Variants in ABCA13 observed in about 807,000 individuals in gnomAD.
The protein encoded by ABCA13 is ATP binding cassette subfamily A member 13, also known as ATP-binding cassette sub-family A member 13.
A neutral mutation model predicts 478.7 loss-of-function variants in ABCA13; 476 were observed. That is an observed-to-expected ratio of 0.99 (90% confidence interval 0.92 to 1.07). The LOEUF is 1.07. ABCA13 is among the 50% of genes least tolerant of loss of function. The probability of loss-of-function intolerance (pLI) is 0.00; values close to 1 mark genes in which losing one functional copy is unlikely to be tolerated. For missense variants in ABCA13, 6,060 were observed against 5,910.6 expected (o/e 1.03, Z -0.83); for synonymous variants, 2,252 against 2,158.9 (o/e 1.04, Z -1.20).
At chr7:48,303,357 A>G (rs1031006302) in intron 23 of ABCA13, among the ~76,000 whole-genome samples, 1 of 151,740 alleles carries the variant, frequency 6.6e-6, no homozygotes, top group African/African-American at 2.4e-5. Flanking sequence ...CCATTTTTCA[A>G]TTTTTGCTTT....
intron 29 of ABCA13, among the ~76,000 whole-genome samples, chr7:48,340,325 C>T (rs943836936): frequency 7.2e-5 from 11 of 152,054 alleles, no homozygotes; most frequent in Admixed American, 6.6e-5. Context: ...CAGGTTGGCT[C>T]GAACTCCTGA....
At chr7:48,593,773 CT>C (rs1030075975) in intron 57 of ABCA13, among the ~76,000 whole-genome samples, 5 of 150,498 alleles carry the variant, frequency 3.3e-5, no homozygotes, top group African/African-American at 9.8e-5. Context: ...ACTCTTTCAG[CT>C]TTTGTTTGGG....
At chr7:48,299,337 C>T (rs958693742) in intron 23 of ABCA13, among the ~76,000 whole-genome samples, 2 of 152,044 alleles carry the variant, frequency 1.3e-5, no homozygotes, top group African/African-American at 4.8e-5. Context: ...GACGGGTGGA[C>T]TAATGAAGAA....
intron 15 of ABCA13, among the ~76,000 whole-genome samples, chr7:48,253,089 T>C (rs917798014): frequency 3.3e-5 from 5 of 152,198 alleles, no homozygotes; most frequent in African/African-American, 9.6e-5. Flanking sequence ...CTTTAAAATG[T>C]ATTATTCAGT....
chr7:48,630,192 G>A (rs1794052068), intron 59 of ABCA13, among the ~76,000 whole-genome samples: 1 of 151,952 alleles, frequency 6.6e-6, no homozygotes, highest in African/African-American at 2.4e-5. Context: ...TAGGGGTATA[G>A]GTGTGGATTT....
chr7:48,314,388 T>C lies in ABCA13; in HGVS notation c.9838T>C (p.Phe3280Leu), dbSNP rs773748241. The C allele has an allele frequency of 2.5e-6, 4 of 1,597,300 alleles. No individual in the cohort carries two copies. Among genetic ancestry groups the C allele is most frequent in the East Asian group, 4.5e-5 (2 of 44,614 alleles). ...ACTCTTGGAAGATGACAAAGAAAAA[T>C]TCAACATTCCTGAAGATTCAAGTAA... ...KELLEDDKEK[F>L]NIPEDSTPFC... The change falls in exon 26 of 62, where the codon TTC becomes CTC. Residue 3280 changes from phenylalanine (F) to leucine (L), a missense_variant. Around this residue, in one of 3 missense-constraint regions of ABCA13, gnomAD observed 4,423 missense variants for 4,309.1 expected, o/e 1.03. Coordinates refer to ENST00000435803, the MANE Select transcript of ABCA13 (RefSeq NM_152701.5).
In ABCA13 at chr7:48,335,546, G is replaced by C. The variant is rs745850168; in HGVS notation, c.10113+11G>C. ...TTCAACCAGCTGCAGGTGAGTGGTT[G>C]GTCTTTGCCACCGAGGGATGGGGAG... On this transcript the variant is annotated intron_variant, in intron 28 of 61. Coordinates refer to ENST00000435803, the MANE Select transcript of ABCA13 (RefSeq NM_152701.5). 1.5e-5 allele frequency: 24 copies of C among 1,608,654 alleles called. No individual in the cohort carries two copies. In the South Asian group the frequency reaches 1.5e-4, roughly 10 times the overall value.
intron 55 of ABCA13, among the ~76,000 whole-genome samples, chr7:48,555,003 A>G (rs1451637645): frequency 6.6e-6 from 1 of 151,222 alleles, no homozygotes; most frequent in East Asian, 1.9e-4. Flanking sequence ...TTATTATGTT[A>G]AGGGATGTTC....
chr7:48,483,624 T>C (rs754486611), intron 47 of ABCA13, among the ~76,000 whole-genome samples: 4 of 152,196 alleles, frequency 2.6e-5, no homozygotes, highest in Non-Finnish European at 5.9e-5. Context: ...GGACTATACC[T>C]GTGAATTAGG....
intron 1 of ABCA13, among the ~76,000 whole-genome samples, chr7:48,182,044 T>C (rs36132683): frequency 0.39 from 59,311 of 151,870 alleles, 13,175 homozygotes; most frequent in Non-Finnish European, 0.51. Flanking sequence ...CCACCTCCCC[T>C]GCTGTATGGC....
At position 48,279,002 on chromosome 7, in the gene ABCA13, G is replaced by A. The variant is rs780415777; in HGVS notation, c.7808G>A (p.Gly2603Glu). 1.9e-6 allele frequency: 3 copies of A among 1,613,208 alleles called. No homozygotes were observed. The highest frequency in any genetic ancestry group is 2.2e-5 in the South Asian group (2 of 91,048). Residue 2603 changes from glycine to glutamate, a missense_variant, in exon 18 of 62, where the codon GGG becomes GAG. Physicochemically the swap from Gly to Glu is moderately conservative, Grantham distance 98. Around this residue, in one of 3 missense-constraint regions of ABCA13, gnomAD observed 4,423 missense variants for 4,309.1 expected, o/e 1.03. Transcript: ENST00000435803. Reference protein sequence around the residue: ...PFLDLAFEMIGVEPYISSNSD... With the variant: ...PFLDLAFEMIEVEPYISSNSD... ...CTTGACTTGGCCTTTGAAATGATTGGGGTAGAACCTTATATATCATCAAAC... is the reference window on the plus strand; with the variant it reads ...CTTGACTTGGCCTTTGAAATGATTGAGGTAGAACCTTATATATCATCAAAC...
chr7:48,517,833 G>A (rs1832247509), intron 52 of ABCA13, among the ~76,000 whole-genome samples: 1 of 152,160 alleles, frequency 6.6e-6, no homozygotes, highest in Non-Finnish European at 1.5e-5. Context: ...CAGCTCAGGG[G>A]CTGAGAAATG....
At position 48,209,842 on chromosome 7, in the gene ABCA13, T is replaced by A. The variant is rs571435573; in HGVS notation, c.288-9512T>A. Among the ~76,000 whole-genome samples the A allele has an allele frequency of 2.0e-5, 3 of 152,338 alleles. No homozygotes were observed. In the South Asian group the frequency reaches 6.2e-4, roughly 32 times the overall value. On this transcript the variant is annotated intron_variant, in intron 3 of 61. Coordinates refer to ENST00000435803, the MANE Select transcript of ABCA13 (RefSeq NM_152701.5). ...GGCATCAGTTGTAATTTCTCCTTTT[T>A]TGCCTCAAACTTTATTTATTTGGGT...
intron 48 of ABCA13, among the ~76,000 whole-genome samples, chr7:48,501,865 T>C (rs572794615): frequency 6.6e-6 from 1 of 152,156 alleles, no homozygotes; most frequent in Non-Finnish European, 1.5e-5. Flanking sequence ...TGTTAGTAGG[T>C]GATTTGATGA....
rs758103834 is a variant in ABCA13, at chr7:48,412,549, C to T, written c.12425C>T (p.Thr4142Met). The T allele has an allele frequency of 3.4e-5, 55 of 1,612,182 alleles. No homozygotes were observed. In the East Asian group the frequency reaches 8.5e-4, roughly 25 times the overall value. The change falls in exon 41 of 62, where the codon ACG (threonine) becomes ATG (methionine). Residue 4142 changes from threonine (T) to methionine (M), a missense_variant. By Grantham distance (81) the Thr-to-Met change is moderately conservative. Around this residue, in one of 3 missense-constraint regions of ABCA13, gnomAD observed 1,627 missense variants for 1,571.0 expected, o/e 1.04. Transcript: ENST00000435803. ...GAGAACCTGCATCAGCTGCACCTGA[C>T]GGGCTATGGGATCTCAGACACCACC... ...LDENLHQLHL[T>M]GYGISDTTLE... is the part of the protein sequence containing the mutation.
rs375217620 is a variant in ABCA13 at position 48,455,189 on chromosome 7, G to A, written c.12718G>A (p.Ala4240Thr). 6.9e-6 allele frequency: 11 copies of A among 1,591,334 alleles called. No individual in the cohort carries two copies. Among genetic ancestry groups the A allele is most frequent in the Admixed American group, 1.8e-5 (1 of 57,024 alleles). ...GCTGCCAGTCCTCTTCGTGGCCTTG[G>A]CCATGGGCTTGTTCATGGTGAGACC... ...LLLPVLFVALAMGLFMVRPLA... is the reference protein window; with the variant it reads ...LLLPVLFVALTMGLFMVRPLA... The change falls in exon 43 of 62, where the codon GCC (alanine) becomes ACC (threonine). Residue 4240 changes from alanine (A) to threonine (T), a missense_variant. Physicochemically the swap from Ala to Thr is moderately conservative, Grantham distance 58 (BLOSUM62 0). Transcript: ENST00000435803.
chr7:48,228,124 T>G (rs946534118), intron 6 of ABCA13, among the ~76,000 whole-genome samples: 1 of 152,212 alleles, frequency 6.6e-6, no homozygotes, highest in Non-Finnish European at 1.5e-5. Context: ...AGGTTTATAT[T>G]CTTCTCTGTT....
At chr7:48,252,552 G>C (rs536727032) in intron 15 of ABCA13, among the ~76,000 whole-genome samples, 1 of 152,210 alleles carries the variant, frequency 6.6e-6, no homozygotes, top group African/African-American at 2.4e-5. Flanking sequence ...ATGATAGTAA[G>C]TATTTGTGTA....
rs568971307 is a variant in ABCA13 at position 48,602,309 on chromosome 7, C to T, written c.14744+7496C>T. ...ATGAAGTCTTTGCCCATGCCTATGT[C>T]GTGAATGGTATTGCCTAGGTTTTCT... is the stretch of plus-strand genomic sequence containing the variant. On this transcript the variant is annotated intron_variant, in intron 58 of 61. Coordinates refer to ENST00000435803, the MANE Select transcript of ABCA13 (RefSeq NM_152701.5). Among the ~76,000 whole-genome samples the T allele has an allele frequency of 2.0e-5, 3 of 152,196 alleles. No homozygotes were observed. The South Asian group carries it at 6.2e-4, about 32-fold the overall frequency.
Sources: allele counts gnomAD v4.1 joint callset (sites outside exome capture counted in the v4.1 genomes callset), GRCh38; gene constraint gnomAD v4.1.1; regional missense constraint gnomAD v4.1.1; transcripts MANE v1.5; gene names NCBI Gene and HGNC (gene_info 2026-07-23, HGNC 2026-07-21).